Variants in FXR1 observed in about 807,000 individuals in gnomAD.
The protein encoded by FXR1 is RNA-binding protein FXR1.
FXR1 carries 15 observed loss-of-function variants against 84.0 expected under a neutral mutation model. That is an observed-to-expected ratio of 0.18 (90% confidence interval 0.12 to 0.27). The LOEUF is 0.27. FXR1 is among the 10% of genes least tolerant of loss of function. FXR1 has a pLI of 1.00. For missense variants in FXR1, 480 were observed against 774.4 expected, an observed-to-expected ratio of 0.62 and a Z score of 4.51; for synonymous variants, 245 against 250.7, an observed-to-expected ratio of 0.98 and a Z score of 0.21.
intron 3 of FXR1, among the ~76,000 whole-genome samples, chr3:180,941,102 C>A (rs1338320249): frequency 6.6e-6 from 1 of 151,382 alleles, no homozygotes; most frequent in African/African-American, 2.4e-5. Flanking sequence ...GGATAGGCGC[C>A]TTGAGAGAAA....
At chr3:180,926,532 A>G (rs1296321508) in intron 1 of FXR1, among the ~76,000 whole-genome samples, 3 of 137,614 alleles carry the variant, frequency 2.2e-5, no homozygotes, top group Non-Finnish European at 4.7e-5. Context: ...TTTTGTTGGC[A>G]TTAAAAAAGA....
chr3:180,971,081 G>C (rs778784152), intron 15 of FXR1: 1 of 1,231,564 alleles, frequency 8.1e-7, no homozygotes, highest in Non-Finnish European at 1.0e-6. Flanking sequence ...ACAGATGATA[G>C]TGAAAAAAAA....
chr3:180,959,294 G>C (rs143992013), intron 10 of FXR1, among the ~76,000 whole-genome samples: 20 of 149,200 alleles, frequency 1.3e-4, no homozygotes, highest in Admixed American at 2.7e-4. Flanking sequence ...TAAAATTCCT[G>C]TTTTTTGGTC....
intron 1 of FXR1, chr3:180,927,929 C>T: frequency 3.1e-6 from 1 of 317,950 alleles, no homozygotes; most frequent in Non-Finnish European, 5.7e-6. Context: ...CACCCTCTGC[C>T]CCCTTTTCTC....
At chr3:180,920,461 A>G (rs974517200) in intron 1 of FXR1, among the ~76,000 whole-genome samples, 3 of 151,996 alleles carry the variant, frequency 2.0e-5, no homozygotes. Context: ...ATGCATGCAT[A>G]GAGGGAACTG....
At chr3:180,961,339 CAA>C in intron 10 of FXR1, 127 bp from the exon 11 acceptor site, 4 of 290,944 alleles carry the variant, frequency 1.4e-5, no homozygotes, top group Non-Finnish European at 1.8e-5. Context: ...GACGTCATCT[CAA>C]AAAAAAAAAA....
intron 15 of FXR1, among the ~76,000 whole-genome samples, chr3:180,972,849 A>T (rs1251509519): frequency 1.3e-5 from 2 of 152,148 alleles, no homozygotes; most frequent in Non-Finnish European, 2.9e-5. Flanking sequence ...GGGTGGGTAA[A>T]ACAAGCACAA....
chr3:180,935,515 A>G (rs1344712324), intron 3 of FXR1, among the ~76,000 whole-genome samples: 3 of 152,244 alleles, frequency 2.0e-5, no homozygotes, highest in African/African-American at 2.4e-5. Flanking sequence ...ATTGAACGCT[A>G]TGCACTATGG....
intron 10 of FXR1, among the ~76,000 whole-genome samples, chr3:180,959,789 A>T (rs919528661): frequency 1.3e-5 from 2 of 152,032 alleles, no homozygotes; most frequent in African/African-American, 2.4e-5. Flanking sequence ...CTTCAAAGCC[A>T]CTGTGAACCT....
intron 16 of FXR1, 56 bp from the exon 17 acceptor site, chr3:180,976,066 C>T: frequency 1.5e-6 from 2 of 1,370,980 alleles, no homozygotes; most frequent in East Asian, 2.3e-5. Context: ...CTGTTTTCCT[C>T]CTCAGCTATA....
chr3:180,971,823 T>G (rs1186994552), intron 15 of FXR1: 3 of 152,612 alleles, frequency 2.0e-5, no homozygotes, highest in Admixed American at 6.5e-5. Flanking sequence ...ATAATTCCAT[T>G]TCCTGTGTAC....
At chr3:180,935,504 C>G (rs1270229716) in intron 3 of FXR1, among the ~76,000 whole-genome samples, 1 of 152,174 alleles carries the variant, frequency 6.6e-6, no homozygotes, top group Non-Finnish European at 1.5e-5. Context: ...AAGAACCTAG[C>G]ATTGAACGCT....
chr3:180,941,116 G>C (rs1029823711), intron 3 of FXR1, among the ~76,000 whole-genome samples: 9 of 151,460 alleles, frequency 5.9e-5, no homozygotes, highest in Admixed American at 3.3e-4. Context: ...AGAGAAATTG[G>C]ATTAAAAAAG....
At chr3:180,961,667 G>T (rs1712137013) in intron 11 of FXR1, 113 bp downstream of exon 11, 2 of 536,420 alleles carry the variant, frequency 3.7e-6, no homozygotes, top group Non-Finnish European at 6.7e-6. Flanking sequence ...TATATTTGAA[G>T]TAAACTTCAA....
intron 9 of FXR1, among the ~76,000 whole-genome samples, chr3:180,954,467 G>C (rs1722539727): frequency 6.6e-6 from 1 of 152,186 alleles, no homozygotes; most frequent in Admixed American, 6.5e-5. Flanking sequence ...TGAAGCTATG[G>C]TTAAATGAGC....
At chr3:180,968,843 TTTACA>T (rs1344834033) in intron 14 of FXR1, among the ~76,000 whole-genome samples, 1 of 152,192 alleles carries the variant, frequency 6.6e-6, no homozygotes, top group Non-Finnish European at 1.5e-5. Context: ...TTTTTTATGC[TTTACA>T]TTAAGTTGTA....
At chr3:180,972,411 G>A (rs1281397078) in intron 15 of FXR1, among the ~76,000 whole-genome samples, 1 of 152,162 alleles carries the variant, frequency 6.6e-6, no homozygotes, top group East Asian at 1.9e-4. Flanking sequence ...AAGGGTGATC[G>A]TGCCACTGCA....
intron 14 of FXR1, among the ~76,000 whole-genome samples, chr3:180,968,801 C>T (rs547977080): frequency 2.0e-5 from 3 of 152,108 alleles, no homozygotes; most frequent in South Asian, 2.1e-4. Flanking sequence ...GTGTAGGAAA[C>T]GTTTTACTTA....
chr3:180,956,620 A>G (rs1055110027), intron 9 of FXR1, among the ~76,000 whole-genome samples: 7 of 152,112 alleles, frequency 4.6e-5, no homozygotes, highest in African/African-American at 1.2e-4. Context: ...TGTGTTAACA[A>G]TGAAGGTTGC....
Sources: gnomAD v4.1 joint callset for allele counts (sites outside exome capture counted in the v4.1 genomes callset) on GRCh38, gnomAD v4.1.1 for gene constraint, MANE v1.5 for transcripts, NCBI Gene and HGNC (gene_info 2026-07-23, HGNC 2026-07-21) for gene names.